The following FHOD3 variants were observed in gnomAD, a reference collection of about 807,000 sequenced individuals.
FHOD3 encodes the protein FH1/FH2 domain-containing protein 3.
FHOD3 carries 90 observed loss-of-function variants against 173.0 expected under a neutral mutation model. The ratio of observed to expected loss-of-function variants is 0.52; its 90% confidence interval spans 0.44 to 0.62. FHOD3 has a LOEUF of 0.62. FHOD3 is among the 20% of genes least tolerant of loss of function. The probability of loss-of-function intolerance (pLI) is 0.00; values close to 1 mark genes in which losing one functional copy is unlikely to be tolerated. For synonymous variants in FHOD3, 828 were observed against 823.0 expected (o/e 1.01, Z -0.10); for missense variants, 1,945 against 2,034.7 (o/e 0.96, Z 0.85).
At chr18:36,628,532 A>T (rs927705505) in intron 10 of FHOD3, among the ~76,000 whole-genome samples, 10 of 152,204 alleles carry the variant, frequency 6.6e-5, no homozygotes, top group African/African-American at 2.4e-4. Context: ...GACTAATAAG[A>T]GCTTGAACTC....
intron 9 of FHOD3, among the ~76,000 whole-genome samples, chr18:36,622,050 G>A (rs1438496777): frequency 6.6e-6 from 1 of 152,122 alleles, no homozygotes; most frequent in African/African-American, 2.4e-5. Context: ...GGATGAACTT[G>A]TAGGACATTT....
At chr18:36,591,357 T>C (rs1026781587) in intron 6 of FHOD3, among the ~76,000 whole-genome samples, 6 of 151,760 alleles carry the variant, frequency 4.0e-5, no homozygotes, top group Non-Finnish European at 8.8e-5. Flanking sequence ...CTCATCGCAA[T>C]GGTTGGGGCG....
chr18:36,666,122 C>T (rs977582254), intron 14 of FHOD3, among the ~76,000 whole-genome samples: 3 of 152,254 alleles, frequency 2.0e-5, no homozygotes, highest in African/African-American at 4.8e-5. Flanking sequence ...ATGTGAGACT[C>T]CATGTGGGAC....
chr18:36,713,238 C>T (rs1600370917), intron 18 of FHOD3, among the ~76,000 whole-genome samples: 1 of 152,178 alleles, frequency 6.6e-6, no homozygotes, highest in East Asian at 1.9e-4. Context: ...GTTACTAAAT[C>T]GTACTTGATG....
intron 2 of FHOD3, among the ~76,000 whole-genome samples, chr18:36,370,051 G>C (rs150769505): frequency 1.3e-5 from 2 of 152,180 alleles, no homozygotes; most frequent in East Asian, 3.9e-4. Flanking sequence ...AGCAGGGGTA[G>C]GGAAGGGTGA....
chr18:36,318,350 A>G (rs944358736), intron 1 of FHOD3, among the ~76,000 whole-genome samples: 4 of 152,202 alleles, frequency 2.6e-5, no homozygotes, highest in African/African-American at 9.7e-5. Flanking sequence ...GATTCTTCCT[A>G]TACATGAGCA....
At chr18:36,419,789 G>A (rs2049892240) in intron 3 of FHOD3, among the ~76,000 whole-genome samples, 1 of 152,184 alleles carries the variant, frequency 6.6e-6, no homozygotes, top group African/African-American at 2.4e-5. Flanking sequence ...TGGCCAGGGA[G>A]GAACACAGCT....
intron 3 of FHOD3, among the ~76,000 whole-genome samples, chr18:36,413,504 C>G (rs1239670773): frequency 6.6e-6 from 1 of 152,204 alleles, no homozygotes; most frequent in African/African-American, 2.4e-5. Flanking sequence ...CTCAGCAGGC[C>G]TGGCATGACC....
At chr18:36,744,553 T>C (rs1329669248) in intron 23 of FHOD3, among the ~76,000 whole-genome samples, 4 of 152,166 alleles carry the variant, frequency 2.6e-5, no homozygotes, top group African/African-American at 9.7e-5. Context: ...AAAGATGCAA[T>C]TTGGCTCTTC....
chr18:36,697,188 T>C (rs922835830), intron 17 of FHOD3, among the ~76,000 whole-genome samples: 2 of 152,210 alleles, frequency 1.3e-5, no homozygotes, highest in Non-Finnish European at 2.9e-5. Flanking sequence ...CCAGGTAACC[T>C]ATTTCATGGA....
intron 5 of FHOD3, among the ~76,000 whole-genome samples, chr18:36,568,140 C>T (rs1345919694): frequency 5.0e-5 from 7 of 140,222 alleles, no homozygotes; most frequent in Admixed American, 2.2e-4. Flanking sequence ...CCTGGCCAAC[C>T]GGACAAAATC....
chr18:36,679,367 A>AT (rs1292667216), intron 14 of FHOD3, among the ~76,000 whole-genome samples: 4 of 150,968 alleles, frequency 2.6e-5, no homozygotes, highest in Non-Finnish European at 5.9e-5. Flanking sequence ...AGTTTTGTTG[A>AT]TTTTTGTCTA....
At chr18:36,475,861 A>C (rs1213100731) in intron 3 of FHOD3, among the ~76,000 whole-genome samples, 1 of 151,954 alleles carries the variant, frequency 6.6e-6, no homozygotes, top group African/African-American at 2.4e-5. Context: ...CACAGTGCGA[A>C]TGAATTGCTT....
chr18:36,330,715 T>C (rs1033667343), intron 1 of FHOD3, among the ~76,000 whole-genome samples: 4 of 152,224 alleles, frequency 2.6e-5, no homozygotes, highest in African/African-American at 7.2e-5. Context: ...ATAGTCACTT[T>C]CCTGCTGTGC....
chr18:36,321,424 A>G (rs2044387218), intron 1 of FHOD3, among the ~76,000 whole-genome samples: 1 of 152,192 alleles, frequency 6.6e-6, no homozygotes, highest in Non-Finnish European at 1.5e-5. Context: ...TCTTCTCAGG[A>G]CACAGCTCAG....
Position 36,763,506 on chromosome 18 carries a change from T to C in FHOD3, c.4624+2724T>C, listed in dbSNP as rs3926966. Among the ~76,000 whole-genome samples the C allele has an allele frequency of 3.0e-3, 411 of 136,876 alleles. 125 individuals are homozygous for C. The highest frequency in any genetic ancestry group is 4.5e-3 in the Non-Finnish European group (277 of 62,198). 89.8% of individuals were successfully genotyped at this position (136,876 alleles called of 152,430 possible). A position where few individuals can be genotyped will look rare whatever the true frequency, so the allele number is the denominator to read the frequency against. On this transcript the variant is annotated intron_variant, in intron 27 of 28. Coordinates refer to ENST00000590592, the MANE Select transcript of FHOD3 (RefSeq NM_001281740.3). ...TATTATACACGTTATATATAATATG[T>C]GTATTATACACGTTATATATAATAT...
intron 1 of FHOD3, among the ~76,000 whole-genome samples, chr18:36,319,789 C>G (rs541382526): frequency 1.3e-5 from 2 of 152,326 alleles, no homozygotes; most frequent in East Asian, 3.9e-4. Context: ...CAAACTGTCT[C>G]TCAGACCACA....
intron 19 of FHOD3, among the ~76,000 whole-genome samples, chr18:36,726,072 G>A (rs570621030): frequency 6.6e-6 from 1 of 151,216 alleles, no homozygotes; most frequent in African/African-American, 2.4e-5. Context: ...ATTTTGATAG[G>A]ATTATGTATA....
At chr18:36,706,366 T>C (rs1345770063) in intron 17 of FHOD3, among the ~76,000 whole-genome samples, 1 of 152,184 alleles carries the variant, frequency 6.6e-6, no homozygotes, top group African/African-American at 2.4e-5. Context: ...GGGCAGGAGA[T>C]GACTTTGCCG....
Sources: gnomAD v4.1 joint callset for allele counts (sites outside exome capture counted in the v4.1 genomes callset) on GRCh38, gnomAD v4.1.1 for gene constraint, MANE v1.5 for transcripts, NCBI Gene and HGNC (gene_info 2026-07-23, HGNC 2026-07-21) for gene names.